The following EOMES variants were observed in gnomAD, a reference collection of about 807,000 sequenced individuals.
EOMES encodes eomesodermin homolog.
A neutral mutation model predicts 61.0 loss-of-function variants in EOMES; 18 were observed. That is an observed-to-expected ratio of 0.30 (90% CI 0.20 to 0.44). The LOEUF is 0.44. Ranked by LOEUF, EOMES falls within the 20% of genes least tolerant of loss-of-function variation. EOMES has a pLI of 1.00. For synonymous variants in EOMES, 430 were observed against 394.0 expected, an observed-to-expected ratio of 1.09 and a Z score of -1.08; for missense variants, 885 against 939.2, an observed-to-expected ratio of 0.94 and a Z score of 0.75.
At chr3:27,718,170 G>C (rs772019600) in intron 5 of EOMES, among the ~76,000 whole-genome samples, 1 of 151,994 alleles carries the variant, frequency 6.6e-6, no homozygotes, top group African/African-American at 2.4e-5. Context: ...AAAAAGAGCA[G>C]GGCCTTGCTA....
At position 27,722,251 on chromosome 3, in the gene EOMES, G is replaced by A; in HGVS notation, c.44C>T (p.Pro15Leu). ...EQLLVSSVNL[P>L]GAHFYPLESA... is the part of the protein sequence containing the mutation. ...CTCCAGCGGGTAGAAGTGCGCGCCA[G>A]GCAGGTTCACTGAGCTCACCAAGAG... Residue 15 changes from proline to leucine, a missense_variant, in exon 1 of 6, where the codon CCT becomes CTT. Pro to Leu is a moderately conservative substitution (Grantham distance 98, BLOSUM62 -3). This residue lies in a region of EOMES where 449 missense variants were observed against 383.6 expected (regional missense o/e 1.17). Coordinates refer to ENST00000449599, the MANE Select transcript of EOMES (RefSeq NM_001278182.2). 1 of 1,603,884 alleles carries A rather than the reference G, an allele frequency of 6.2e-7. No individual in the cohort carries two copies. The highest frequency in any genetic ancestry group is 8.5e-7 in the Non-Finnish European group (1 of 1,176,172).
chr3:27,718,226 T>C (rs779910017), intron 5 of EOMES, among the ~76,000 whole-genome samples: 23 of 151,180 alleles, frequency 1.5e-4, no homozygotes, highest in Non-Finnish European at 3.2e-4. Flanking sequence ...TTTTTTCTTA[T>C]GTTAAAAAAA....
chr3:27,718,926 TAAAAAG>T (rs747856518), intron 3 of EOMES, 33 bp from the exon 4 acceptor site: 3 of 1,539,762 alleles, frequency 1.9e-6, no homozygotes, highest in Non-Finnish European at 2.7e-6. Flanking sequence ...TTGCTAAATC[TAAAAAG>T]CCTCTTAGTG....
In EOMES at chr3:27,722,320, G is replaced by T; in HGVS notation, c.-26C>A. The T allele has an allele frequency of 6.6e-7, 1 of 1,511,902 alleles. No individual in the cohort carries two copies. Among genetic ancestry groups the T allele is most frequent in the South Asian group, 1.2e-5 (1 of 80,090 alleles). The allele number at this position is 1,511,902 out of a possible 1,614,324, so 93.7% of individuals were successfully genotyped here. On this transcript the variant is annotated 5_prime_UTR_variant, in exon 1 of 6. Transcript: ENST00000449599. The stretch of plus-strand genomic sequence containing the variant: ...GCTTTGCAAAGCGCAGACGGCAGCT[G>T]GCTGCTTCCTCTCCTCCGGTGGCCT...
In EOMES at chr3:27,721,851, G is replaced by C; in HGVS notation, c.444C>G (p.Ser148=). The C allele has an allele frequency of 6.6e-7, 1 of 1,517,746 alleles. No individual in the cohort carries two copies. The highest frequency in any genetic ancestry group is 2.3e-5 in the Admixed American group (1 of 43,672). The allele number at this position is 1,517,746 out of a possible 1,614,324, so 94.0% of individuals were successfully genotyped here. Residue 148 remains serine, a synonymous_variant, in exon 1 of 6, where the codon TCC becomes TCG. Coordinates refer to ENST00000449599, the MANE Select transcript of EOMES (RefSeq NM_001278182.2). This position sits in a 1 kb window ranked among gnomAD's most constrained non-coding sequence, Gnocchi z 7.4. The part of the protein sequence containing the change: ...SLSSERYYLQ[S]PGPQGSELAA... ...CCAGCTCCGACCCCTGAGGACCGGGGGACTGGAGGTAGTACCGCTCGGAGC... is the reference window on the plus strand; with the variant it reads ...CCAGCTCCGACCCCTGAGGACCGGGCGACTGGAGGTAGTACCGCTCGGAGC...
At position 27,718,619 on chromosome 3, in the gene EOMES, G is replaced by A. The variant is rs200537781; in HGVS notation, c.1347C>T (p.Pro449=). The A allele has an allele frequency of 1.2e-6, 2 of 1,613,386 alleles. No homozygotes were observed. The highest frequency in any genetic ancestry group is 2.2e-5 in the South Asian group (2 of 91,050). The change falls in exon 5 of 6, where the codon CCC becomes CCT. Residue 449 remains proline (P), a synonymous_variant. Coordinates refer to ENST00000449599, the MANE Select transcript of EOMES (RefSeq NM_001278182.2). The part of the protein sequence containing the change: ...DITQLKIDHN[P]FAKGFRDNYD... ...AGTTGTCTCTGAAGCCTTTTGCAAA[G>A]GGGTTATGATCAATCTTTAGTTGAG...
Position 27,721,395 on chromosome 3 carries a change from C to G in EOMES, c.881+19G>C. On this transcript the variant is annotated intron_variant, in intron 1 of 5. Transcript: ENST00000449599. The surrounding 1 kb of genome is among the most constrained non-coding windows in gnomAD (Gnocchi z 7.4). ...ACCCTTTATCCCCGAACCCAGGGGC[C>G]CCTCCACGCTGCGCTCACCTGCCCT... 1.3e-6 allele frequency: 2 copies of G among 1,597,004 alleles called. No homozygotes were observed. The highest frequency in any genetic ancestry group is 1.7e-6 in the Non-Finnish European group (2 of 1,171,754).
In EOMES at chr3:27,716,820, G is replaced by A. The variant is rs929892415; in HGVS notation, c.*250C>T. ...CCCCAATAAATAAATACAGAACCTT[G>A]GATACCCTTCGAATTTTAAAATACC... On this transcript the variant is annotated 3_prime_UTR_variant, in exon 6 of 6. Coordinates refer to ENST00000449599, the MANE Select transcript of EOMES (RefSeq NM_001278182.2). The A allele has an allele frequency of 4.3e-5, 20 of 466,722 alleles. No homozygotes were observed. The highest frequency in any genetic ancestry group is 6.4e-5 in the Non-Finnish European group (17 of 266,062). The allele number at this position is 466,722 out of a possible 1,614,324, so 28.9% of individuals were successfully genotyped here.
rs1182823648 is a variant in EOMES at position 27,717,244 on chromosome 3, A to C, written c.1944T>G (p.Asp648Glu). The C allele has an allele frequency of 6.2e-7, 1 of 1,613,786 alleles. No homozygotes were observed. Among genetic ancestry groups the C allele is most frequent in the Non-Finnish European group, 8.5e-7 (1 of 1,179,796 alleles). ...TGGTGTATACTCCTGAATCATTGGA[A>C]TCTAGAGATTTGATGGAAGGGGGTG... Reference protein sequence around the residue: ...IETPPSIKSLDSNDSGVYTSA... With the variant: ...IETPPSIKSLESNDSGVYTSA... Residue 648 changes from aspartate to glutamate, a missense_variant, in exon 6 of 6, where the codon GAT (aspartate) becomes GAG (glutamate). This residue lies in a region of EOMES where 259 missense variants were observed against 282.3 expected (regional missense o/e 0.92). Coordinates refer to ENST00000449599, the MANE Select transcript of EOMES (RefSeq NM_001278182.2). The surrounding 1 kb of genome is among the most constrained non-coding windows in gnomAD (Gnocchi z 4.5).
At chr3:27,722,629 T>A, upstream of EOMES, 2 of 1,105,634 alleles carry the variant, frequency 1.8e-6, no homozygotes, top group Non-Finnish European at 2.2e-6. Context: ...GTGACTTAGA[T>A]CTTTGTCCCC....
At position 27,721,366 on chromosome 3, in the gene EOMES, C is replaced by T. The variant is rs894082965; in HGVS notation, c.881+48G>A. On this transcript the variant is annotated intron_variant, in intron 1 of 5. Coordinates refer to ENST00000449599, the MANE Select transcript of EOMES (RefSeq NM_001278182.2). The surrounding 1 kb of genome is among the most constrained non-coding windows in gnomAD (Gnocchi z 7.4). ...ATCCCGGACCTTCCCCAGGACCACA[C>T]GTCACCCTTTATCCCCGAACCCAGG... 5.3e-6 allele frequency: 8 copies of T among 1,502,760 alleles called. No individual in the cohort carries two copies. Among genetic ancestry groups the T allele is most frequent in the African/African-American group, 1.4e-5 (1 of 72,666 alleles). The allele number at this position is 1,502,760 out of a possible 1,614,324, so 93.1% of individuals were successfully genotyped here.
intron 2 of EOMES, 28 bp from the exon 3 acceptor site, chr3:27,719,509 AC>A: frequency 1.2e-6 from 2 of 1,609,868 alleles, no homozygotes; most frequent in Non-Finnish European, 1.7e-6. Context: ...AAAACACAAA[AC>A]CCAAGCATAT....
chr3:27,718,939 A>C (rs761612436), intron 3 of EOMES, 46 bp from the exon 4 acceptor site: 1 of 1,428,088 alleles, frequency 7.0e-7, no homozygotes, highest in South Asian at 1.3e-5. Context: ...AAAGCCTCTT[A>C]GTGGTTCAAC....
At chr3:27,719,057 T>C (rs569717033) in intron 3 of EOMES, among the ~76,000 whole-genome samples, 164 bp from the exon 4 acceptor site, 174 of 144,450 alleles carry the variant, frequency 1.2e-3, no homozygotes, top group Middle Eastern at 3.5e-3. Flanking sequence ...GCCCCCCCCC[T>C]TTTTTTTTGA....
chr3:27,721,929 G>GGCGGCGGCTGCA lies in EOMES; in HGVS notation c.354_365dup (p.Ala127_Ala130dup), dbSNP rs1270177894. 1.2e-5 allele frequency: 17 copies of GGCGGCGGCTGCA among 1,367,724 alleles called. No individual in the cohort carries two copies. Among genetic ancestry groups the GGCGGCGGCTGCA allele is most frequent in the African/African-American group, 1.6e-5 (1 of 62,652 alleles). 84.7% of individuals were successfully genotyped at this position (1,367,724 alleles called of 1,614,324 possible). A position where few individuals can be genotyped will look rare whatever the true frequency, so the allele number is the denominator to read the frequency against. ...TGGCCGCAGCCGCGGCGGCGGCGGC[G>GGCGGCGGCTGCA]GCGGCGGCTGCAGCGGCGGAGGGCA... On this transcript the variant is annotated inframe_insertion, in exon 1 of 6. Transcript: ENST00000449599. The surrounding 1 kb of genome is among the most constrained non-coding windows in gnomAD (Gnocchi z 7.4).
At position 27,721,446 on chromosome 3, in the gene EOMES, G is replaced by A. The variant is rs767896868; in HGVS notation, c.849C>T (p.His283=). ...GTTTCGTAATGATCATCTCAGTTTGGTGGCGGTGGAATTTGAGCCACAGAG... is the reference window on the plus strand; with the variant it reads ...GTTTCGTAATGATCATCTCAGTTTGATGGCGGTGGAATTTGAGCCACAGAG... ...NRPLWLKFHR[H]QTEMIITKQG... Residue 283 remains histidine, a synonymous_variant, in exon 1 of 6, where the codon CAC becomes CAT. Coordinates refer to ENST00000449599, the MANE Select transcript of EOMES (RefSeq NM_001278182.2). The surrounding 1 kb of genome is among the most constrained non-coding windows in gnomAD (Gnocchi z 7.4). 3.1e-6 allele frequency: 5 copies of A among 1,613,502 alleles called. No homozygotes were observed. In the East Asian group the frequency reaches 8.9e-5, roughly 29 times the overall value.
Position 27,716,995 on chromosome 3 carries a change from G to T in EOMES, c.*75C>A. 8.5e-7 allele frequency: 1 copy of T among 1,181,130 alleles called. No homozygotes were observed. Among genetic ancestry groups the T allele is most frequent in the Non-Finnish European group, 1.2e-6 (1 of 833,896 alleles). The allele number at this position is 1,181,130 out of a possible 1,614,324, so 73.2% of individuals were successfully genotyped here. On this transcript the variant is annotated 3_prime_UTR_variant, in exon 6 of 6. Transcript: ENST00000449599. ...GGCAAACATCTTTTTGGCAACCTAG[G>T]CAAAGAAGACAACAAAAAACACCAC...
Position 27,722,069 on chromosome 3 carries a change from G to C in EOMES, c.226C>G (p.Pro76Ala), listed in dbSNP as rs1376384937. ...GEPAAASAGA[P>A]AAMLSDTDAG... is the part of the protein sequence containing the mutation. Reference sequence around the variant, plus strand: ...TCGGTGTCACTAAGCATGGCCGCGGGGGCCCCTGCGCTGGCGGCTGCGGGC... The same window carrying C: ...TCGGTGTCACTAAGCATGGCCGCGGCGGCCCCTGCGCTGGCGGCTGCGGGC... The change falls in exon 1 of 6, where the codon CCC becomes GCC. Residue 76 changes from proline (P) to alanine (A), a missense_variant. Transcript: ENST00000449599. The C allele has an allele frequency of 6.5e-7, 1 of 1,545,992 alleles. No individual in the cohort carries two copies. The highest frequency in any genetic ancestry group is 8.7e-7 in the Non-Finnish European group (1 of 1,145,274).
In EOMES at chr3:27,716,862, A is replaced by C. The variant is rs1359146370; in HGVS notation, c.*208T>G. 3.6e-6 allele frequency: 2 copies of C among 551,518 alleles called. No homozygotes were observed. The highest frequency in any genetic ancestry group is 5.8e-5 in the East Asian group (2 of 34,522). 34.2% of individuals were successfully genotyped at this position (551,518 alleles called of 1,614,324 possible). A position where few individuals can be genotyped will look rare whatever the true frequency, so the allele number is the denominator to read the frequency against. On this transcript the variant is annotated 3_prime_UTR_variant, in exon 6 of 6. Transcript: ENST00000449599. Reference sequence around the variant, plus strand: ...TAAAATACCTTAAAGTCTTCCATTAATCTTATTTTTTAAAAATGCTAGGTT... The same window carrying C: ...TAAAATACCTTAAAGTCTTCCATTACTCTTATTTTTTAAAAATGCTAGGTT...
Sources: gnomAD v4.1 joint callset for allele counts (sites outside exome capture counted in the v4.1 genomes callset) on GRCh38, gnomAD v4.1.1 for gene constraint, gnomAD v4.1.1 regional missense constraint, Gnocchi (gnomAD v3.1) non-coding constraint, MANE v1.5 for transcripts, NCBI Gene and HGNC (gene_info 2026-07-23, HGNC 2026-07-21) for gene names.